Variants in CIMIP4 observed in about 807,000 individuals in gnomAD.
CIMIP4 encodes protein EAN57.
the CIMIP4 span, among the ~76,000 whole-genome samples, chr22:37,000,367 G>C: frequency 6.6e-6 from 1 of 152,176 alleles, no homozygotes; most frequent in Non-Finnish European, 1.5e-5. Context: ...GCAGGGCACA[G>C]AGCCCTGGCT....
the CIMIP4 span, among the ~76,000 whole-genome samples, chr22:37,007,053 G>A: frequency 1.3e-5 from 2 of 152,138 alleles, no homozygotes; most frequent in Admixed American, 6.5e-5. Context: ...TTCTCTGGTC[G>A]AGCTTTGAGA....
chr22:37,000,885 G>A, the CIMIP4 span, among the ~76,000 whole-genome samples: 1 of 152,252 alleles, frequency 6.6e-6, no homozygotes, highest in South Asian at 2.1e-4. Flanking sequence ...TGGTGGTGGG[G>A]TCACTGCACT....
chr22:37,002,021 G>T, the CIMIP4 span: 1 of 1,612,320 alleles, frequency 6.2e-7, no homozygotes, highest in South Asian at 1.1e-5. Flanking sequence ...GTTCTCTCTC[G>T]AGGAGGATCG....
At chr22:36,999,759 T>C in the CIMIP4 span, 5 of 1,525,292 alleles carry the variant, frequency 3.3e-6, no homozygotes, top group South Asian at 1.3e-5. Flanking sequence ...CCATATGGAG[T>C]GGAAACCCCA....
the CIMIP4 span, chr22:37,002,073 C>A: frequency 6.2e-7 from 1 of 1,603,880 alleles, no homozygotes; most frequent in Non-Finnish European, 8.5e-7. Flanking sequence ...GGGTCCATGC[C>A]CAGAGAATCC....
At chr22:36,997,268 A>G in the CIMIP4 span, among the ~76,000 whole-genome samples, 1 of 152,242 alleles carries the variant, frequency 6.6e-6, no homozygotes, top group Non-Finnish European at 1.5e-5. Flanking sequence ...AAAATTTTAG[A>G]AGACTGTGTA....
At chr22:37,002,338 G>T in the CIMIP4 span, 1 of 1,069,956 alleles carries the variant, frequency 9.3e-7, no homozygotes, top group Non-Finnish European at 1.2e-6. Context: ...GGGGGAGGGA[G>T]AGAGACACGC....
chr22:36,994,308 T>G, the CIMIP4 span, among the ~76,000 whole-genome samples: 1 of 151,422 alleles, frequency 6.6e-6, no homozygotes, highest in Admixed American at 6.5e-5. Context: ...CCCAAGAGAT[T>G]GTTATTATTA....
At chr22:37,007,159 G>C in the CIMIP4 span, among the ~76,000 whole-genome samples, 1 of 152,198 alleles carries the variant, frequency 6.6e-6, no homozygotes, top group Non-Finnish European at 1.5e-5. Flanking sequence ...CCAACTCACA[G>C]AAACTGTGAG....
chr22:36,999,192 C>CA, the CIMIP4 span, among the ~76,000 whole-genome samples: 1 of 150,926 alleles, frequency 6.6e-6, no homozygotes, highest in African/African-American at 2.4e-5. Flanking sequence ...CGCAGTGACT[C>CA]ATGCCTGTAA....
At chr22:37,006,733 G>T in the CIMIP4 span, among the ~76,000 whole-genome samples, 1 of 152,160 alleles carries the variant, frequency 6.6e-6, no homozygotes, top group Non-Finnish European at 1.5e-5. Flanking sequence ...AGAGTGGCAG[G>T]CAGTTGACAT....
the CIMIP4 span, chr22:36,991,429 C>G: frequency 1.9e-6 from 3 of 1,590,824 alleles, no homozygotes; most frequent in Non-Finnish European, 2.6e-6. Context: ...CCAACACACC[C>G]TGCTGGTGGA....
At chr22:36,993,839 C>T in the CIMIP4 span, among the ~76,000 whole-genome samples, 1 of 152,012 alleles carries the variant, frequency 6.6e-6, no homozygotes, top group Non-Finnish European at 1.5e-5. Context: ...TCAATATGAA[C>T]GAATTAAACC....
chr22:36,997,450 C>T, the CIMIP4 span, among the ~76,000 whole-genome samples: 1 of 152,216 alleles, frequency 6.6e-6, no homozygotes, highest in African/African-American at 2.4e-5. Context: ...ATATTCTTTT[C>T]TCTCTGCCTT....
the CIMIP4 span, chr22:37,004,125 G>C: frequency 3.6e-6 from 4 of 1,105,400 alleles, no homozygotes; most frequent in Admixed American, 4.9e-5. Flanking sequence ...GTGGCTGTCT[G>C]CCCGCCCCTG....
At chr22:37,000,292 C>T in the CIMIP4 span, among the ~76,000 whole-genome samples, 1 of 152,152 alleles carries the variant, frequency 6.6e-6, no homozygotes, top group African/African-American at 2.4e-5. Context: ...GCCACTCTTC[C>T]CACCATTTTA....
At chr22:36,999,944 C>A in the CIMIP4 span, 2 of 1,613,816 alleles carry the variant, frequency 1.2e-6, no homozygotes, top group Non-Finnish European at 1.7e-6. Flanking sequence ...TGAGCTTGCC[C>A]TTTTCTGGCC....
chr22:36,993,196 G>C, the CIMIP4 span, among the ~76,000 whole-genome samples: 1 of 151,632 alleles, frequency 6.6e-6, no homozygotes, highest in East Asian at 2.0e-4. Context: ...ATTTTTAGTA[G>C]AGACGGGGTT....
chr22:37,001,855 C>A, the CIMIP4 span: 1 of 1,596,324 alleles, frequency 6.3e-7, no homozygotes, highest in Non-Finnish European at 8.5e-7. Flanking sequence ...CGGAGACCAG[C>A]TGGTCCACCA....
Sources: gnomAD v4.1 joint callset for allele counts (sites outside exome capture counted in the v4.1 genomes callset) on GRCh38, gnomAD v4.1.1 for gene constraint, MANE v1.5 for transcripts, NCBI Gene and HGNC (gene_info 2026-07-23, HGNC 2026-07-21) for gene names.